The following MTHFD1L variants were observed in gnomAD, a reference collection of about 807,000 sequenced individuals.
The protein encoded by MTHFD1L is monofunctional C1-tetrahydrofolate synthase, mitochondrial.
Under a neutral mutation model 119.5 loss-of-function variants are expected in MTHFD1L, and 81 were observed. The observed-to-expected ratio is 0.68, with a 90% CI of 0.57 to 0.82. The LOEUF (loss-of-function observed/expected upper bound fraction) is 0.82. MTHFD1L is among the 40% of genes least tolerant of loss of function. The pLI is 0.00. For synonymous variants in MTHFD1L, 430 were observed against 475.2 expected, an observed-to-expected ratio of 0.90 and a Z score of 1.24; for missense variants, 1,125 against 1,253.4, an observed-to-expected ratio of 0.90 and a Z score of 1.55.
At chr6:151,053,403 G>T (rs1341502749) in intron 26 of MTHFD1L, among the ~76,000 whole-genome samples, 2 of 152,134 alleles carry the variant, frequency 1.3e-5, no homozygotes, top group East Asian at 3.9e-4. Context: ...CAACTACAAT[G>T]CTCAAAATAA....
chr6:150,993,939 G>A (rs141960623), intron 20 of MTHFD1L, among the ~76,000 whole-genome samples: 11 of 151,506 alleles, frequency 7.3e-5, no homozygotes, highest in Non-Finnish European at 8.8e-5. Context: ...AAAACACTGC[G>A]CAGTGTTGAA....
intron 4 of MTHFD1L, among the ~76,000 whole-genome samples, chr6:150,880,286 A>T (rs1199945122): frequency 6.6e-6 from 1 of 152,098 alleles, no homozygotes; most frequent in Admixed American, 6.6e-5. Flanking sequence ...GCCTCTGGTA[A>T]CCACCATTCT....
intron 1 of MTHFD1L, among the ~76,000 whole-genome samples, chr6:150,872,328 A>G (rs1453386065): frequency 6.6e-6 from 1 of 152,018 alleles, no homozygotes; most frequent in Non-Finnish European, 1.5e-5. Flanking sequence ...CACCCTCCTC[A>G]CTAAGTTTAA....
intron 8 of MTHFD1L, among the ~76,000 whole-genome samples, chr6:150,913,154 C>A (rs113864620): frequency 6.6e-6 from 1 of 151,818 alleles, no homozygotes; most frequent in African/African-American, 2.4e-5. Context: ...ACATATGCCA[C>A]CATGCCCAAC....
intron 16 of MTHFD1L, among the ~76,000 whole-genome samples, chr6:150,954,687 A>T (rs981202013): frequency 2.0e-5 from 3 of 151,842 alleles, no homozygotes; most frequent in African/African-American, 7.3e-5. Context: ...AAAAAGAGAG[A>T]CAAGGTCTCA....
At chr6:151,100,134 C>T (rs1795251692) in intron 27 of MTHFD1L, among the ~76,000 whole-genome samples, 1 of 150,960 alleles carries the variant, frequency 6.6e-6, no homozygotes, top group African/African-American at 2.4e-5. Flanking sequence ...CCCGGGTTCA[C>T]GCCATTCTCC....
intron 7 of MTHFD1L, among the ~76,000 whole-genome samples, chr6:150,897,643 C>T (rs1020974081): frequency 6.6e-6 from 1 of 152,204 alleles, no homozygotes; most frequent in Admixed American, 6.5e-5. Context: ...GAAGTGTATA[C>T]TGCACAAAAG....
chr6:151,070,096 G>C lies in MTHFD1L; in HGVS notation c.2848-22371G>C, dbSNP rs1171355653. ...GGTGCAAGATACATCACGTCTCCAA[G>C]AACTCGGGTGTTTTTCTGATCATGG... On this transcript the variant is annotated intron_variant, in intron 26 of 27. Coordinates refer to ENST00000367321, the MANE Select transcript of MTHFD1L (RefSeq NM_015440.5). Among the ~76,000 whole-genome samples the C allele has an allele frequency of 3.3e-5, 5 of 152,232 alleles. No homozygotes were observed. In the East Asian group the frequency reaches 9.7e-4, roughly 29 times the overall value.
chr6:151,057,546 C>T, intron 26 of MTHFD1L, among the ~76,000 whole-genome samples: 1 of 151,976 alleles, frequency 6.6e-6, no homozygotes, highest in South Asian at 2.1e-4. Context: ...GTGGGACCAT[C>T]GCTTGGGCCC....
intron 20 of MTHFD1L, among the ~76,000 whole-genome samples, chr6:151,000,139 A>G (rs758710138): frequency 6.6e-6 from 1 of 152,154 alleles, no homozygotes; most frequent in Non-Finnish European, 1.5e-5. Flanking sequence ...AGACATTGAG[A>G]CCATCCTGGC....
chr6:151,022,654 A>C (rs1387023738), intron 24 of MTHFD1L, among the ~76,000 whole-genome samples: 11 of 152,112 alleles, frequency 7.2e-5, no homozygotes, highest in Admixed American at 7.2e-4. Context: ...CTTCCCCCTC[A>C]GGGCCTTTGA....
chr6:150,906,570 T>C (rs1359505921), intron 8 of MTHFD1L, among the ~76,000 whole-genome samples: 1 of 152,234 alleles, frequency 6.6e-6, no homozygotes, highest in African/African-American at 2.4e-5. Context: ...GAGCCCCTCT[T>C]CCTGATTCCT....
chr6:151,046,441 A>AAT (rs375143403), intron 26 of MTHFD1L, among the ~76,000 whole-genome samples: 5,560 of 134,176 alleles, frequency 0.041, 283 homozygotes, highest in African/African-American at 0.11. Flanking sequence ...TACAACTGGT[A>AAT]ATATATATAT....
intron 26 of MTHFD1L, among the ~76,000 whole-genome samples, chr6:151,084,381 C>T (rs1793516957): frequency 6.6e-6 from 1 of 152,032 alleles, no homozygotes; most frequent in African/African-American, 2.4e-5. Context: ...GGCACCGGAG[C>T]AGGACGTTGT....
chr6:150,923,551 T>TA (rs1562387386), intron 10 of MTHFD1L, among the ~76,000 whole-genome samples: 6 of 133,962 alleles, frequency 4.5e-5, no homozygotes, highest in African/African-American at 1.1e-4. Context: ...TTTCTTTTTT[T>TA]TTTTTTTTTT....
chr6:150,891,505 A>AAT (rs1031088291), intron 7 of MTHFD1L, among the ~76,000 whole-genome samples: 13 of 147,932 alleles, frequency 8.8e-5, no homozygotes, highest in Non-Finnish European at 1.5e-4. Flanking sequence ...ATCACTGTTT[A>AAT]ATATATATAT....
rs997423977 is a variant in MTHFD1L, at chr6:150,922,647, C to T, written c.1082+345C>T. Among the ~76,000 whole-genome samples, 22 of 108,212 alleles carry T rather than the reference C, an allele frequency of 2.0e-4. 1 individual carries two copies. The highest frequency in any genetic ancestry group is 2.5e-4 in the African/African-American group (7 of 28,232). The allele number at this position is 108,212 out of a possible 152,430, so 71.0% of individuals were successfully genotyped here. ...AATGGCAGTGTTTTCCCCCCCCACC[C>T]TTTTTTTTTTTTTTGAGATGGAGTC... is the stretch of plus-strand genomic sequence containing the variant. On this transcript the variant is annotated intron_variant, in intron 10 of 27. Coordinates refer to ENST00000367321, the MANE Select transcript of MTHFD1L (RefSeq NM_015440.5).
At chr6:150,931,547 A>G (rs1891038) in intron 11 of MTHFD1L, among the ~76,000 whole-genome samples, 65,266 of 151,962 alleles carry the variant, frequency 0.43, 15,684 homozygotes, top group African/African-American at 0.65. Flanking sequence ...CAAATGCACC[A>G]TGGGGTTTAT....
At chr6:150,948,703 C>T (rs1203338641) in intron 15 of MTHFD1L, among the ~76,000 whole-genome samples, 3 of 150,994 alleles carry the variant, frequency 2.0e-5, no homozygotes, top group Non-Finnish European at 4.4e-5. Context: ...TGCAATGGCA[C>T]GATTTTGGCT....
Sources: gnomAD v4.1 joint callset for allele counts (sites outside exome capture counted in the v4.1 genomes callset) on GRCh38, gnomAD v4.1.1 for gene constraint, MANE v1.5 for transcripts, NCBI Gene and HGNC (gene_info 2026-07-23, HGNC 2026-07-21) for gene names.